The following RELN variants were observed in gnomAD, a reference collection of about 807,000 sequenced individuals.
The protein encoded by RELN is reelin.
A neutral mutation model predicts 427.6 loss-of-function variants in RELN; 108 were observed. The observed-to-expected ratio is 0.25, with a 90% CI of 0.22 to 0.30. The LOEUF is 0.30. Among genes scored for constraint, RELN ranks in the 10% least tolerant of loss-of-function variants. The probability of loss-of-function intolerance (pLI) is 1.00; values close to 1 mark genes in which losing one functional copy is unlikely to be tolerated. For synonymous variants in RELN, 1,524 were observed against 1,513.4 expected, an observed-to-expected ratio of 1.01 and a Z score of -0.16; for missense variants, 3,715 against 4,302.8, an observed-to-expected ratio of 0.86 and a Z score of 3.82.
intron 17 of RELN, among the ~76,000 whole-genome samples, chr7:103,639,449 G>A (rs1173960422): frequency 6.7e-6 from 1 of 149,852 alleles, no homozygotes; most frequent in Non-Finnish European, 1.5e-5. Flanking sequence ...GCCCAGGCTG[G>A]AGTGCAGTGA....
At chr7:103,932,008 C>T (rs1196634897) in intron 1 of RELN, among the ~76,000 whole-genome samples, 2 of 152,188 alleles carry the variant, frequency 1.3e-5, no homozygotes, top group African/African-American at 4.8e-5. Flanking sequence ...AACAGAACTA[C>T]CATTCAACCC....
intron 2 of RELN, among the ~76,000 whole-genome samples, chr7:103,893,031 CA>C (rs1563075003): frequency 6.6e-6 from 1 of 151,940 alleles, no homozygotes; most frequent in Non-Finnish European, 1.5e-5. Context: ...CAAGGGAGAC[CA>C]AAAGGAATTC....
At chr7:103,565,676 T>A in intron 33 of RELN, 125 bp from the exon 34 acceptor site, 1 of 842,036 alleles carries the variant, frequency 1.2e-6, no homozygotes, top group Non-Finnish European at 1.9e-6. Context: ...GCCCCCTATG[T>A]GCTTTGACTT....
chr7:103,919,621 T>A (rs1256203188), intron 1 of RELN, among the ~76,000 whole-genome samples: 2 of 152,160 alleles, frequency 1.3e-5, no homozygotes, highest in East Asian at 3.9e-4. Context: ...CATTCCTTTC[T>A]ACCAAGCTAT....
intron 3 of RELN, among the ~76,000 whole-genome samples, chr7:103,776,896 T>C (rs1791757193): frequency 6.6e-6 from 1 of 152,176 alleles, no homozygotes; most frequent in South Asian, 2.1e-4. Flanking sequence ...GTAAAGCCTA[T>C]AGAATAAAAA....
intron 29 of RELN, 131 bp downstream of exon 29, chr7:103,575,416 GA>G: frequency 9.4e-7 from 1 of 1,067,460 alleles, no homozygotes. Context: ...CCTGGGTTGT[GA>G]ATTCCTACAA....
chr7:103,798,417 G>T (rs1406858676), intron 3 of RELN, among the ~76,000 whole-genome samples: 1 of 152,088 alleles, frequency 6.6e-6, no homozygotes, highest in Non-Finnish European at 1.5e-5. Flanking sequence ...GTTATCGTTG[G>T]GAAGACTCAA....
chr7:103,639,052 A>T (rs1216902989), intron 17 of RELN, among the ~76,000 whole-genome samples: 1 of 152,208 alleles, frequency 6.6e-6, no homozygotes, highest in Non-Finnish European at 1.5e-5. Flanking sequence ...ATCTGGCCTC[A>T]TGTTAATTTT....
At chr7:103,841,032 T>C (rs1563044597) in intron 2 of RELN, among the ~76,000 whole-genome samples, 1 of 152,208 alleles carries the variant, frequency 6.6e-6, no homozygotes, top group Admixed American at 6.5e-5. Context: ...ATGAAATTTC[T>C]TCTCCAGAGA....
chr7:103,714,868 A>C (rs2115866112), intron 8 of RELN, among the ~76,000 whole-genome samples: 1 of 152,326 alleles, frequency 6.6e-6, no homozygotes, highest in Admixed American at 6.5e-5. Context: ...GCATGAACAG[A>C]AATCCTCTAA....
intron 2 of RELN, among the ~76,000 whole-genome samples, chr7:103,854,568 G>A (rs1793899557): frequency 6.6e-6 from 1 of 152,136 alleles, no homozygotes. Flanking sequence ...GGGATTAAGA[G>A]ACTTAGTATG....
chr7:103,488,074 G>A (rs1828507579), intron 60 of RELN, among the ~76,000 whole-genome samples: 1 of 151,878 alleles, frequency 6.6e-6, no homozygotes, highest in Non-Finnish European at 1.5e-5. Context: ...CTTGAACCCA[G>A]AAGGCAGAGG....
chr7:103,848,473 A>G (rs893232012), intron 2 of RELN, among the ~76,000 whole-genome samples: 5 of 152,202 alleles, frequency 3.3e-5, no homozygotes, highest in African/African-American at 1.2e-4. Context: ...GGACAGGTCC[A>G]ACATAAAAAC....
Position 103,728,091 on chromosome 7 carries a change from C to T in RELN, c.753+20G>A. 6.2e-7 allele frequency: 1 copy of T among 1,610,434 alleles called. No homozygotes were observed. ...GTAAATACTATAATGGAATAATGTA[C>T]ATGAATAGCACATACTTACCAGTTC... On this transcript the variant is annotated intron_variant, in intron 7 of 64. Coordinates refer to ENST00000428762, the MANE Select transcript of RELN (RefSeq NM_005045.4).
chr7:103,593,834 C>T lies in RELN; in HGVS notation c.3760G>A (p.Val1254Met), dbSNP rs778698231. ...AFDYPMNQMSVWLMLANEGMV... is the reference protein window; with the variant it reads ...AFDYPMNQMSMWLMLANEGMV... ...CCTTCATTAGCCAACATCAACCACA[C>T]ACTCATCTGATTCATAGGGTAATCA... is the stretch of plus-strand genomic sequence containing the variant. Residue 1254 changes from valine to methionine, a missense_variant, in exon 27 of 65, where the codon GTG becomes ATG. This residue lies in a region of RELN where 2,208 missense variants were observed against 2,361.7 expected (regional missense o/e 0.93). Coordinates refer to ENST00000428762, the MANE Select transcript of RELN (RefSeq NM_005045.4). 3 of 1,613,862 alleles carry T rather than the reference C, an allele frequency of 1.9e-6. No individual in the cohort carries two copies. The highest frequency in any genetic ancestry group is 2.2e-5 in the East Asian group (1 of 44,860).
chr7:103,802,949 TTTTAC>T (rs527853631), intron 3 of RELN, among the ~76,000 whole-genome samples: 64 of 152,284 alleles, frequency 4.2e-4, no homozygotes, highest in African/African-American at 1.3e-3. Context: ...ACAGCATTTG[TTTTAC>T]AAAGTAATAT....
At chr7:103,671,030 A>T (rs1010321024) in intron 11 of RELN, among the ~76,000 whole-genome samples, 8 of 152,102 alleles carry the variant, frequency 5.3e-5, no homozygotes, top group Non-Finnish European at 8.8e-5. Flanking sequence ...CTGAGGTTGA[A>T]AAAGTTCATT....
intron 6 of RELN, among the ~76,000 whole-genome samples, chr7:103,744,214 A>G (rs947671716): frequency 1.3e-5 from 2 of 152,316 alleles, no homozygotes; most frequent in African/African-American, 4.8e-5. Context: ...TTTGAAACCA[A>G]TGAGAACAAA....
Position 103,989,080 on chromosome 7 carries a change from G to T in RELN, c.226+51C>A, listed in dbSNP as rs1048285361. On this transcript the variant is annotated intron_variant, in intron 1 of 64. Transcript: ENST00000428762. The surrounding 1 kb of genome is among the most constrained non-coding windows in gnomAD (Gnocchi z 4.9). ...AGAAGGAAAGGGATGAGAAAGGTGC[G>T]CTGGCGGGCGCACCCGGCGGCGGCG... The T allele has an allele frequency of 6.6e-7, 1 of 1,509,462 alleles. No homozygotes were observed. The highest frequency in any genetic ancestry group is 9.2e-7 in the Non-Finnish European group (1 of 1,088,666). 93.5% of individuals were successfully genotyped at this position (1,509,462 alleles called of 1,614,324 possible).
Sources: allele counts gnomAD v4.1 joint callset (sites outside exome capture counted in the v4.1 genomes callset), GRCh38; gene constraint gnomAD v4.1.1; regional missense constraint gnomAD v4.1.1; non-coding constraint Gnocchi (gnomAD v3.1); transcripts MANE v1.5; gene names NCBI Gene and HGNC (gene_info 2026-07-23, HGNC 2026-07-21).